CROT: variants seen among roughly 807,000 people sequenced by gnomAD.
The protein encoded by CROT is peroxisomal carnitine O-octanoyltransferase.
CROT carries 84 observed loss-of-function variants against 89.2 expected under a neutral mutation model. That is an observed-to-expected ratio of 0.94 (90% confidence interval 0.79 to 1.13). The LOEUF (loss-of-function observed/expected upper bound fraction) is 1.13. CROT is among the 50% of genes most tolerant of loss of function. CROT has a pLI of 0.00. For missense variants in CROT, 711 were observed against 727.8 expected (o/e 0.98, Z 0.27); for synonymous variants, 212 against 239.5 (o/e 0.89, Z 1.06).
chr7:87,365,622 C>CTTT (rs1223252893), intron 6 of CROT, among the ~76,000 whole-genome samples: 1 of 128,428 alleles, frequency 7.8e-6, no homozygotes, highest in African/African-American at 3.1e-5. Context: ...TTTTGTTTGT[C>CTTT]TTTTTTTTTT....
At chr7:87,373,880 G>A (rs1806722520) in intron 7 of CROT, among the ~76,000 whole-genome samples, 1 of 152,000 alleles carries the variant, frequency 6.6e-6, no homozygotes, top group African/African-American at 2.4e-5. Flanking sequence ...ACGACAATGG[G>A]ACCATGTGAA....
chr7:87,357,858 T>C (rs1407968969), intron 3 of CROT, among the ~76,000 whole-genome samples: 2 of 152,170 alleles, frequency 1.3e-5, no homozygotes, highest in African/African-American at 2.4e-5. Flanking sequence ...ACTGTAATTA[T>C]CTTGAAAACA....
At chr7:87,398,199 G>A (rs1302450348) in intron 17 of CROT, 6 of 464,758 alleles carry the variant, frequency 1.3e-5, no homozygotes, top group Non-Finnish European at 2.5e-5. Context: ...ACTCATTCCA[G>A]TAGCACTTTA....
chr7:87,359,891 T>C (rs952723227), intron 4 of CROT: 2 of 985,788 alleles, frequency 2.0e-6, no homozygotes, highest in Non-Finnish European at 2.4e-6. Flanking sequence ...TCTGTACTTC[T>C]CTACTATGAA....
chr7:87,369,801 T>C (rs1472121284), intron 7 of CROT: 2 of 149,818 alleles, frequency 1.3e-5, no homozygotes, highest in African/African-American at 4.9e-5. Context: ...AATTTACATG[T>C]ATACCTAGCT....
intron 7 of CROT, among the ~76,000 whole-genome samples, chr7:87,372,816 A>G (rs369219342): frequency 2.0e-5 from 3 of 152,220 alleles, no homozygotes; most frequent in African/African-American, 7.2e-5. Context: ...ATAACATTCT[A>G]TTTTACAGAT....
rs1411158907 is a variant in CROT at position 87,398,971 on chromosome 7, GT to G, written c.*329del. The G allele has an allele frequency of 4.1e-6, 1 of 244,520 alleles. No individual in the cohort carries two copies. Among genetic ancestry groups the G allele is most frequent in the Non-Finnish European group, 7.9e-6 (1 of 127,106 alleles). The allele number at this position is 244,520 out of a possible 1,614,324, so 15.1% of individuals were successfully genotyped here. ...CTTACTCTAATTTTTAAGTATTTTT[GT>G]TGGTACTTACATGGGTTATAAATCC... On this transcript the variant is annotated 3_prime_UTR_variant, in exon 18 of 18. Transcript: ENST00000331536.
intron 6 of CROT, among the ~76,000 whole-genome samples, chr7:87,362,379 C>T (rs1016955669): frequency 7.3e-5 from 11 of 151,202 alleles, no homozygotes; most frequent in African/African-American, 2.4e-4. Context: ...TCACTGCAAC[C>T]TCCACCTCCT....
At position 87,355,806 on chromosome 7, in the gene CROT, C is replaced by T. The variant is rs76501241; in HGVS notation, c.116-3400C>T. On this transcript the variant is annotated intron_variant, in intron 3 of 17. Transcript: ENST00000331536. ...TGAGTATTCCTGTGTCTCCTGGGGC[C>T]TAGAAGGCTGAGTATATTGCAAAGT... is the stretch of plus-strand genomic sequence containing the variant. Among the ~76,000 whole-genome samples the T allele has an allele frequency of 7.4e-3, 1,118 of 151,632 alleles. 13 individuals carry two copies. Among genetic ancestry groups the T allele is most frequent in the African/African-American group, 0.025 (1,049 of 41,448 alleles).
Position 87,377,380 on chromosome 7 carries a change from C to A in CROT, c.908C>A (p.Thr303Lys). 6.2e-7 allele frequency: 1 copy of A among 1,610,404 alleles called. No individual in the cohort carries two copies. The highest frequency in any genetic ancestry group is 8.5e-7 in the Non-Finnish European group (1 of 1,177,460). The change falls in exon 10 of 18, where the codon ACA (threonine) becomes AAA (lysine). Residue 303 changes from threonine to lysine, a missense_variant. By Grantham distance (78) the Thr-to-Lys change is moderately conservative. Transcript: ENST00000331536. ...GCAGCCATCCTTATTGGAGATCCAACAGTACGCTGGGGTGACAAATCCTAT... is the reference window on the plus strand; with the variant it reads ...GCAGCCATCCTTATTGGAGATCCAAAAGTACGCTGGGGTGACAAATCCTAT... The part of the protein sequence containing the change: ...IIAAILIGDP[T>K]VRWGDKSYNL...
intron 7 of CROT, among the ~76,000 whole-genome samples, chr7:87,372,489 A>G (rs1005284966): frequency 6.6e-6 from 1 of 152,222 alleles, no homozygotes. Context: ...AATTAAACAC[A>G]TGTGCTTCAT....
At chr7:87,362,698 T>C (rs1806322772) in intron 6 of CROT, among the ~76,000 whole-genome samples, 1 of 151,950 alleles carries the variant, frequency 6.6e-6, no homozygotes, top group South Asian at 2.1e-4. Flanking sequence ...TCCTAGCTTA[T>C]CTTGAAATGG....
chr7:87,381,591 GCTTTGA>G (rs1807006587), intron 10 of CROT, among the ~76,000 whole-genome samples: 1 of 152,078 alleles, frequency 6.6e-6, no homozygotes, highest in Non-Finnish European at 1.5e-5. Flanking sequence ...ATATACACTT[GCTTTGA>G]CTTCTAGTAA....
chr7:87,350,462 T>C (rs1042256350), intron 3 of CROT, among the ~76,000 whole-genome samples: 2 of 152,138 alleles, frequency 1.3e-5, no homozygotes, highest in African/African-American at 4.8e-5. Context: ...AGCTGCTGCT[T>C]GAAGAGAGAA....
Position 87,349,028 on chromosome 7 carries a change from GCT to G in CROT, c.-21-11_-21-10del, listed in dbSNP as rs753873696. 2 of 1,072,434 alleles carry G rather than the reference GCT, an allele frequency of 1.9e-6. No individual in the cohort carries two copies. Among genetic ancestry groups the G allele is most frequent in the Admixed American group, 1.9e-5 (1 of 51,850 alleles). 66.4% of individuals were successfully genotyped at this position (1,072,434 alleles called of 1,614,324 possible). On this transcript the variant is annotated intron_variant, in intron 2 of 17. Transcript: ENST00000331536. ...TATCTATGAGATTGAAGTTGTGAGG[GCT>G]CTCTCTCTTTTCTTTAGGTTTCCTA...
chr7:87,379,460 C>T (rs1217486211), intron 10 of CROT, among the ~76,000 whole-genome samples: 1 of 152,180 alleles, frequency 6.6e-6, no homozygotes, highest in Non-Finnish European at 1.5e-5. Context: ...ACTCATCTTG[C>T]TTTCCGTCCC....
chr7:87,346,057 C>T (rs577290189), intron 1 of CROT, among the ~76,000 whole-genome samples: 2 of 152,272 alleles, frequency 1.3e-5, no homozygotes, highest in East Asian at 3.9e-4. Context: ...CTACCCCTTG[C>T]CACTCTGCGA....
intron 13 of CROT, among the ~76,000 whole-genome samples, chr7:87,383,421 G>A (rs1019004557): frequency 6.6e-6 from 1 of 151,202 alleles, no homozygotes; most frequent in Non-Finnish European, 1.5e-5. Context: ...CCTTACCCAT[G>A]TTGCTGCAAA....
chr7:87,392,676 ATC>A (rs1437872814), intron 15 of CROT, 32 bp downstream of exon 15: 4 of 1,610,950 alleles, frequency 2.5e-6, no homozygotes, highest in Non-Finnish European at 3.4e-6. Context: ...TGACTTAAAA[ATC>A]TCTCATGGTG....
Sources: gnomAD v4.1 joint callset for allele counts (sites outside exome capture counted in the v4.1 genomes callset) on GRCh38, gnomAD v4.1.1 for gene constraint, MANE v1.5 for transcripts, NCBI Gene and HGNC (gene_info 2026-07-23, HGNC 2026-07-21) for gene names.